The following ATG10 variants were observed in gnomAD, a reference collection of about 807,000 sequenced individuals.
The protein encoded by ATG10 is ubiquitin-like-conjugating enzyme ATG10.
Under a neutral mutation model 32.1 loss-of-function variants are expected in ATG10, and 30 were observed. The ratio of observed to expected loss-of-function variants is 0.94; its 90% CI spans 0.70 to 1.27. The LOEUF is 1.27. ATG10 is among the 50% of genes most tolerant of loss of function. ATG10 has a pLI of 0.00. For synonymous variants in ATG10, 87 were observed against 91.5 expected (o/e 0.95, Z 0.28); for missense variants, 233 against 262.3 (o/e 0.89, Z 0.77).
chr5:82,175,887 G>GCACACACA (rs146858605), intron 4 of ATG10, among the ~76,000 whole-genome samples: 1 of 129,496 alleles, frequency 7.7e-6, no homozygotes, highest in African/African-American at 2.6e-5. Flanking sequence ...ACACACACAC[G>GCACACACA]CACACACACA....
intron 2 of ATG10, among the ~76,000 whole-genome samples, chr5:82,057,540 A>G (rs775542653): frequency 2.0e-5 from 3 of 152,080 alleles, no homozygotes; most frequent in African/African-American, 4.8e-5. Flanking sequence ...CCCTCTTCTT[A>G]TAGGAAGATT....
At chr5:81,996,167 T>G (rs1336687706) in intron 2 of ATG10, among the ~76,000 whole-genome samples, 2 of 152,238 alleles carry the variant, frequency 1.3e-5, no homozygotes, top group Non-Finnish European at 2.9e-5. Flanking sequence ...CTACTTATGT[T>G]TTTAAAGTCT....
intron 3 of ATG10, among the ~76,000 whole-genome samples, chr5:82,121,948 T>G (rs939554661): frequency 1.3e-5 from 2 of 151,028 alleles, no homozygotes; most frequent in Admixed American, 6.6e-5. Flanking sequence ...GAAGTTTTTT[T>G]TTTTTTTTTT....
chr5:82,058,650 C>G (rs570504781), intron 3 of ATG10, 48 bp downstream of exon 3: 1 of 1,308,062 alleles, frequency 7.6e-7, no homozygotes, highest in Admixed American at 1.7e-5. Flanking sequence ...GTAAAGTATA[C>G]ATTTAAAAAT....
intron 2 of ATG10, among the ~76,000 whole-genome samples, chr5:82,010,489 C>T (rs189548264): frequency 8.5e-5 from 13 of 152,200 alleles, no homozygotes; most frequent in Non-Finnish European, 1.0e-4. Context: ...GTTTGAAATT[C>T]ACGGTTTGAA....
chr5:82,045,749 A>G lies in ATG10; in HGVS notation c.109-12746A>G, dbSNP rs116241560. ...AGAAACTTTTGTTACATTAATAAAA[A>G]AGGCTGAGTGGATTCTATCCTCCCT... On this transcript the variant is annotated intron_variant, in intron 2 of 7. Transcript: ENST00000282185. Among the ~76,000 whole-genome samples the G allele has an allele frequency of 7.5e-3, 1,149 of 152,202 alleles. 13 individuals are homozygous for G. The highest frequency in any genetic ancestry group is 0.026 in the African/African-American group (1,082 of 41,516).
At chr5:82,208,972 T>C (rs1336255031) in intron 5 of ATG10, among the ~76,000 whole-genome samples, 2 of 152,188 alleles carry the variant, frequency 1.3e-5, no homozygotes, top group South Asian at 2.1e-4. Context: ...TTTCTTATAA[T>C]GTCCTTGTCA....
chr5:82,037,992 T>C (rs144837985), intron 2 of ATG10, among the ~76,000 whole-genome samples: 103 of 152,318 alleles, frequency 6.8e-4, no homozygotes, highest in Middle Eastern at 6.8e-3. Context: ...TTAGTCTTTA[T>C]TTAGTAAGAT....
chr5:82,137,689 G>A (rs1371991170), intron 3 of ATG10, among the ~76,000 whole-genome samples: 2 of 152,176 alleles, frequency 1.3e-5, no homozygotes, highest in Non-Finnish European at 2.9e-5. Flanking sequence ...GGAGGCACGG[G>A]GGTCAAGGAG....
At chr5:82,031,498 A>C (rs536479099) in intron 2 of ATG10, among the ~76,000 whole-genome samples, 1 of 152,358 alleles carries the variant, frequency 6.6e-6, no homozygotes, top group Non-Finnish European at 1.5e-5. Context: ...TAAACAAAGT[A>C]GGGTTAAGTT....
intron 3 of ATG10, among the ~76,000 whole-genome samples, chr5:82,080,292 T>C (rs1161234675): frequency 6.6e-6 from 1 of 152,164 alleles, no homozygotes; most frequent in South Asian, 2.1e-4. Context: ...ATTGCAAAAA[T>C]TTTCTCCCAT....
chr5:81,996,130 A>T (rs1761657115), intron 2 of ATG10, among the ~76,000 whole-genome samples: 1 of 152,124 alleles, frequency 6.6e-6, no homozygotes, highest in Non-Finnish European at 1.5e-5. Flanking sequence ...TTCTTCTTCC[A>T]CTAATTTACC....
At chr5:82,051,344 T>G (rs978431038) in intron 2 of ATG10, among the ~76,000 whole-genome samples, 3 of 152,186 alleles carry the variant, frequency 2.0e-5, no homozygotes, top group Non-Finnish European at 4.4e-5. Flanking sequence ...ATCTGAGATG[T>G]AACTCCAGCC....
chr5:82,009,996 G>T (rs549474989), intron 2 of ATG10: 1 of 1,610,606 alleles, frequency 6.2e-7, no homozygotes, highest in Admixed American at 1.7e-5. Flanking sequence ...AAAATTTTCT[G>T]CTGTCTTTGG....
chr5:82,127,640 G>C (rs779852527), intron 3 of ATG10, among the ~76,000 whole-genome samples: 2 of 152,098 alleles, frequency 1.3e-5, no homozygotes, highest in Admixed American at 1.3e-4. Flanking sequence ...TTGCACTGTG[G>C]TCTGAGAGAC....
At chr5:82,209,081 A>T in intron 5 of ATG10, among the ~76,000 whole-genome samples, 1 of 149,782 alleles carries the variant, frequency 6.7e-6, no homozygotes. Context: ...TGCTGATGTT[A>T]TTTCTTCTTT....
At chr5:82,017,439 A>G (rs1421478870) in intron 2 of ATG10, among the ~76,000 whole-genome samples, 3 of 152,280 alleles carry the variant, frequency 2.0e-5, no homozygotes, top group Non-Finnish European at 2.9e-5. Flanking sequence ...TTTCAGTACT[A>G]TGTTAAATAG....
intron 3 of ATG10, among the ~76,000 whole-genome samples, chr5:82,086,393 C>G (rs887376825): frequency 6.6e-6 from 1 of 151,856 alleles, no homozygotes; most frequent in Non-Finnish European, 1.5e-5. Flanking sequence ...TAACAATAGC[C>G]AAGTAAATTA....
At chr5:82,086,941 T>C (rs998221640) in intron 3 of ATG10, among the ~76,000 whole-genome samples, 1 of 152,220 alleles carries the variant, frequency 6.6e-6, no homozygotes, top group Non-Finnish European at 1.5e-5. Context: ...TTCATCTGTA[T>C]ATTTGTAAGA....
Sources: gnomAD v4.1 joint callset for allele counts (sites outside exome capture counted in the v4.1 genomes callset) on GRCh38, gnomAD v4.1.1 for gene constraint, MANE v1.5 for transcripts, NCBI Gene and HGNC (gene_info 2026-07-23, HGNC 2026-07-21) for gene names.